COMMD10: variants seen among roughly 807,000 people sequenced by gnomAD.
COMMD10 encodes the protein COMM domain containing 10.
In COMMD10, 33 loss-of-function variants were observed where a neutral mutation model predicts 28.9. The ratio of observed to expected loss-of-function variants is 1.14; its 90% confidence interval spans 0.87 to 1.53. The LOEUF is 1.53. Among genes scored for constraint, COMMD10 ranks in the 40% most tolerant of loss-of-function variants. The pLI, the probability that COMMD10 is intolerant of heterozygous loss-of-function variation, is 0.00. For missense variants in COMMD10, 310 were observed against 233.4 expected, an observed-to-expected ratio of 1.33 and a Z score of -2.14; for synonymous variants, 110 against 81.7, an observed-to-expected ratio of 1.35 and a Z score of -1.87.
intron 5 of COMMD10, among the ~76,000 whole-genome samples, chr5:116,283,846 A>G (rs924655512): frequency 4.6e-5 from 7 of 151,830 alleles, no homozygotes; most frequent in African/African-American, 1.7e-4. Context: ...ATTATCAGCA[A>G]AGGCCAGGTA....
intron 5 of COMMD10, among the ~76,000 whole-genome samples, chr5:116,215,334 A>C (rs1453833196): frequency 1.3e-5 from 2 of 152,110 alleles, no homozygotes; most frequent in African/African-American, 2.4e-5. Flanking sequence ...TATTATAGCT[A>C]GTATTGATGC....
chr5:116,184,697 A>G (rs564524122), intron 5 of COMMD10, among the ~76,000 whole-genome samples: 22 of 152,282 alleles, frequency 1.4e-4, no homozygotes, highest in Middle Eastern at 3.4e-3. Flanking sequence ...GTTATGCCCT[A>G]TTAATCTAAA....
intron 5 of COMMD10, among the ~76,000 whole-genome samples, chr5:116,216,391 A>T (rs542365972): frequency 6.6e-6 from 1 of 152,328 alleles, no homozygotes; most frequent in Non-Finnish European, 1.5e-5. Context: ...GAAGCATAAA[A>T]CAAATCTGAT....
At chr5:116,094,062 T>C (rs1476681520) in intron 4 of COMMD10, among the ~76,000 whole-genome samples, 3 of 152,120 alleles carry the variant, frequency 2.0e-5, no homozygotes, top group Non-Finnish European at 2.9e-5. Flanking sequence ...CCACAACTGT[T>C]AAAATACTAG....
intron 5 of COMMD10, among the ~76,000 whole-genome samples, chr5:116,232,962 C>A (rs1487680800): frequency 6.6e-6 from 1 of 152,090 alleles, no homozygotes; most frequent in South Asian, 2.1e-4. Flanking sequence ...ATGCTCTTAC[C>A]CTTAAAAGGA....
At chr5:116,288,872 CTTTTTTT>C (rs1157658912) in intron 5 of COMMD10, among the ~76,000 whole-genome samples, 7 of 104,356 alleles carry the variant, frequency 6.7e-5, no homozygotes, top group South Asian at 3.2e-4. Flanking sequence ...TGTTCTCTCT[CTTTTTTT>C]TTTTTTTTTT....
intron 5 of COMMD10, among the ~76,000 whole-genome samples, chr5:116,268,213 T>C (rs962758372): frequency 2.0e-5 from 3 of 151,848 alleles, no homozygotes; most frequent in Non-Finnish European, 4.4e-5. Context: ...GACAAAGGGC[T>C]AATATCCAGA....
chr5:116,288,159 T>C (rs1338657117), intron 5 of COMMD10, among the ~76,000 whole-genome samples: 1 of 151,878 alleles, frequency 6.6e-6, no homozygotes, highest in Non-Finnish European at 1.5e-5. Flanking sequence ...TCTGGGAAAA[T>C]GTTAATTTCT....
chr5:116,152,853 T>C (rs1580495233), intron 5 of COMMD10, among the ~76,000 whole-genome samples: 1 of 152,130 alleles, frequency 6.6e-6, no homozygotes, highest in Non-Finnish European at 1.5e-5. Context: ...GCATAAACTT[T>C]AAGTAGTTTC....
chr5:116,098,162 C>T (rs1750526041), intron 4 of COMMD10, among the ~76,000 whole-genome samples: 1 of 152,152 alleles, frequency 6.6e-6, no homozygotes, highest in East Asian at 1.9e-4. Flanking sequence ...ATCATGCTAC[C>T]TCTGGCAGCT....
At chr5:116,099,550 C>A (rs751679847) in intron 4 of COMMD10, among the ~76,000 whole-genome samples, 1 of 152,154 alleles carries the variant, frequency 6.6e-6, no homozygotes, top group Non-Finnish European at 1.5e-5. Context: ...TACCAATTTA[C>A]ATTCCCACCA....
intron 5 of COMMD10, among the ~76,000 whole-genome samples, chr5:116,204,889 C>T (rs112156775): frequency 3.5e-4 from 53 of 152,238 alleles, no homozygotes; most frequent in African/African-American, 1.3e-3. Context: ...TTAGACAACA[C>T]ATGCTGTTTT....
intron 5 of COMMD10, among the ~76,000 whole-genome samples, chr5:116,177,612 A>C (rs999342626): frequency 1.3e-5 from 2 of 150,476 alleles, no homozygotes; most frequent in African/African-American, 2.4e-5. Context: ...CCACTTTCCC[A>C]TAGTCATCCT....
At chr5:116,222,571 C>G (rs1561674154) in intron 5 of COMMD10, among the ~76,000 whole-genome samples, 1 of 152,134 alleles carries the variant, frequency 6.6e-6, no homozygotes, top group Non-Finnish European at 1.5e-5. Context: ...ATGTTCTTTT[C>G]AGGAACATGA....
chr5:116,179,917 GA>G (rs1205264386), intron 5 of COMMD10, among the ~76,000 whole-genome samples: 1 of 152,022 alleles, frequency 6.6e-6, no homozygotes, highest in African/African-American at 2.4e-5. Context: ...GTTTTCTATA[GA>G]AAATAAAGGT....
chr5:116,192,400 T>G (rs1748394309), intron 5 of COMMD10, among the ~76,000 whole-genome samples: 1 of 151,432 alleles, frequency 6.6e-6, no homozygotes, highest in South Asian at 2.1e-4. Context: ...TGAAGCCCAA[T>G]GCAAGGAAAT....
chr5:116,265,914 T>C (rs534849778), intron 5 of COMMD10, among the ~76,000 whole-genome samples: 244 of 151,836 alleles, frequency 1.6e-3, no homozygotes, highest in Non-Finnish European at 6.8e-4. Flanking sequence ...TTCATCCTAC[T>C]AGAAAAGTGG....
chr5:116,154,295 A>C (rs889367269), intron 5 of COMMD10, among the ~76,000 whole-genome samples: 1 of 152,180 alleles, frequency 6.6e-6, no homozygotes, highest in Admixed American at 6.6e-5. Context: ...TGTTTAATTG[A>C]TGATGAGATA....
intron 5 of COMMD10, among the ~76,000 whole-genome samples, chr5:116,225,110 A>G (rs1051226071): frequency 1.4e-4 from 21 of 151,892 alleles, no homozygotes; most frequent in East Asian, 7.8e-4. Context: ...ATTTTATTTC[A>G]CTTATTATAC....
Sources: gnomAD v4.1 joint callset for allele counts (sites outside exome capture counted in the v4.1 genomes callset) on GRCh38, gnomAD v4.1.1 for gene constraint, MANE v1.5 for transcripts, NCBI Gene and HGNC (gene_info 2026-07-23, HGNC 2026-07-21) for gene names.